BTC: variants seen among roughly 807,000 people sequenced by gnomAD.
The protein encoded by BTC is probetacellulin.
A neutral mutation model predicts 18.1 loss-of-function variants in BTC; 13 were observed. The observed-to-expected ratio is 0.72, with a 90% CI of 0.47 to 1.14. The LOEUF (loss-of-function observed/expected upper bound fraction) is 1.14, where lower values mean the gene tolerates loss of function less well. Among genes scored for constraint, BTC ranks in the 50% most tolerant of loss-of-function variants. The pLI, the probability that BTC is intolerant of heterozygous loss-of-function variation, is 0.00. For synonymous variants in BTC, 83 were observed against 79.4 expected (o/e 1.05, Z -0.24); for missense variants, 247 against 224.2 (o/e 1.10, Z -0.65).
At chr4:74,779,637 G>A (rs1725265988) in intron 1 of BTC, among the ~76,000 whole-genome samples, 1 of 152,114 alleles carries the variant, frequency 6.6e-6, no homozygotes, top group African/African-American at 2.4e-5. Flanking sequence ...TGCAAAGTGA[G>A]GTGAAACTGT....
At chr4:74,778,931 G>A (rs1237240241) in intron 1 of BTC, among the ~76,000 whole-genome samples, 1 of 152,086 alleles carries the variant, frequency 6.6e-6, no homozygotes, top group African/African-American at 2.4e-5. Context: ...CCAGGACAGA[G>A]GAATTTTCCA....
intron 1 of BTC, among the ~76,000 whole-genome samples, chr4:74,771,595 A>G (rs1271953566): frequency 6.6e-6 from 1 of 152,208 alleles, no homozygotes; most frequent in Non-Finnish European, 1.5e-5. Flanking sequence ...GAGTTTTCAA[A>G]AGGGTCTTTT....
At chr4:74,748,916 C>T (rs1167273197) in intron 4 of BTC, among the ~76,000 whole-genome samples, 2 of 152,192 alleles carry the variant, frequency 1.3e-5, no homozygotes, top group Non-Finnish European at 2.9e-5. Context: ...TAGGCCGTTT[C>T]CCAGCTTTGC....
intron 2 of BTC, among the ~76,000 whole-genome samples, chr4:74,766,392 G>A (rs1724904168): frequency 6.6e-6 from 1 of 151,908 alleles, no homozygotes; most frequent in Non-Finnish European, 1.5e-5. Context: ...ACACTGTACA[G>A]CTCTACAAAA....
chr4:74,757,866 T>C (rs374615112), intron 2 of BTC, among the ~76,000 whole-genome samples: 1 of 152,300 alleles, frequency 6.6e-6, no homozygotes, highest in South Asian at 2.1e-4. Context: ...ATCTGTAAGA[T>C]AGACATGATA....
chr4:74,746,420 A>G lies in BTC; in HGVS notation c.*257T>C, dbSNP rs1391421194. 6.6e-6 allele frequency: 1 copy of G among 152,598 alleles called. No individual in the cohort carries two copies. The highest frequency in any genetic ancestry group is 2.4e-5 in the African/African-American group (1 of 41,446). 9.5% of individuals were successfully genotyped at this position (152,598 alleles called of 1,614,324 possible). On this transcript the variant is annotated 3_prime_UTR_variant, in exon 6 of 6. Coordinates refer to ENST00000395743, the MANE Select transcript of BTC (RefSeq NM_001729.4). Reference sequence around the variant, plus strand: ...ACTAGTAATCCTGGTGACAATACTTAAGTGAAAGGTTATTGAAATTTCCCT... The same window carrying G: ...ACTAGTAATCCTGGTGACAATACTTGAGTGAAAGGTTATTGAAATTTCCCT...
intron 1 of BTC, among the ~76,000 whole-genome samples, chr4:74,790,292 T>C (rs761089559): frequency 6.6e-6 from 1 of 152,246 alleles, no homozygotes; most frequent in Non-Finnish European, 1.5e-5. Context: ...GCTTATTCTA[T>C]GTTTGGGGCA....
chr4:74,747,113 C>T (rs368027513), intron 5 of BTC, among the ~76,000 whole-genome samples: 3 of 152,218 alleles, frequency 2.0e-5, no homozygotes, highest in South Asian at 2.1e-4. Context: ...TGAGCCAATA[C>T]GTTGCCTTCA....
intron 1 of BTC, 50 bp from the exon 2 acceptor site, chr4:74,770,206 T>C (rs1346017098): frequency 7.0e-7 from 1 of 1,428,788 alleles, no homozygotes; most frequent in South Asian, 1.2e-5. Context: ...TTGCTTATTG[T>C]GAAACAGTCT....
At chr4:74,789,129 T>A (rs1377151208) in intron 1 of BTC, among the ~76,000 whole-genome samples, 1 of 152,210 alleles carries the variant, frequency 6.6e-6, no homozygotes, top group Admixed American at 6.5e-5. Flanking sequence ...GCACCTACTA[T>A]ACATAGGAAC....
intron 2 of BTC, among the ~76,000 whole-genome samples, chr4:74,764,811 A>G (rs1221467961): frequency 6.6e-6 from 1 of 152,128 alleles, no homozygotes; most frequent in African/African-American, 2.4e-5. Context: ...TCATGCTGCT[A>G]ATAAATATAT....
rs568957523 is a variant in BTC, at chr4:74,784,466, G to C, written c.64+9796C>G. On this transcript the variant is annotated intron_variant, in intron 1 of 5. Transcript: ENST00000395743. The stretch of plus-strand genomic sequence containing the variant: ...GCCAGAACATTCAATACTATGTTGA[G>C]TAGGAGTGGTGAGAGATGGCATCCT... 3.2e-4 allele frequency among the ~76,000 whole-genome samples: 49 copies of C among 152,186 alleles called. 1 individual carries two copies. In the South Asian group the frequency reaches 1.0e-2, roughly 31 times the overall value.
chr4:74,773,780 T>C (rs188777104), intron 1 of BTC, among the ~76,000 whole-genome samples: 109 of 152,160 alleles, frequency 7.2e-4, no homozygotes, highest in African/African-American at 2.4e-3. Context: ...CCTGGCTAAT[T>C]TTTGTATTTT....
At chr4:74,759,071 C>A (rs1724679869) in intron 2 of BTC, among the ~76,000 whole-genome samples, 1 of 151,950 alleles carries the variant, frequency 6.6e-6, no homozygotes, top group Non-Finnish European at 1.5e-5. Context: ...AATTTCAGTG[C>A]CTTATAATCC....
chr4:74,770,336 T>C (rs1291524385), intron 1 of BTC, among the ~76,000 whole-genome samples, 180 bp from the exon 2 acceptor site: 1 of 152,194 alleles, frequency 6.6e-6, no homozygotes, highest in African/African-American at 2.4e-5. Flanking sequence ...TTTCAGCTCA[T>C]TGCTAAAGAA....
intron 1 of BTC, among the ~76,000 whole-genome samples, chr4:74,783,977 A>C (rs1725407490): frequency 6.6e-6 from 1 of 151,926 alleles, no homozygotes; most frequent in Non-Finnish European, 1.5e-5. Flanking sequence ...TCACTCCTGT[A>C]ATCCCTGCAC....
intron 2 of BTC, among the ~76,000 whole-genome samples, chr4:74,763,260 AATGT>A (rs1381915685): frequency 6.6e-6 from 1 of 152,180 alleles, no homozygotes; most frequent in Non-Finnish European, 1.5e-5. Flanking sequence ...CCAAATCACT[AATGT>A]ATTTGTATTT....
chr4:74,778,300 A>G (rs1410413617), intron 1 of BTC, among the ~76,000 whole-genome samples: 1 of 152,162 alleles, frequency 6.6e-6, no homozygotes, highest in East Asian at 1.9e-4. Flanking sequence ...GAGAGAAATT[A>G]TTTAACTCAA....
rs185522786 is a variant in BTC, at chr4:74,752,279, C to T, written c.282-1560G>A. Among the ~76,000 whole-genome samples, 679 of 152,052 alleles carry T rather than the reference C, an allele frequency of 4.5e-3. 5 individuals carry two copies. The highest frequency in any genetic ancestry group is 0.016 in the African/African-American group (656 of 41,456). Reference sequence around the variant, plus strand: ...TGCTTCCTGCAAGATAGCTAAGTATCTTCATTCTGAGGTCAAAATTACAGG... The same window carrying T: ...TGCTTCCTGCAAGATAGCTAAGTATTTTCATTCTGAGGTCAAAATTACAGG... On this transcript the variant is annotated intron_variant, in intron 3 of 5. Transcript: ENST00000395743.
Sources: allele counts gnomAD v4.1 joint callset (sites outside exome capture counted in the v4.1 genomes callset), GRCh38; gene constraint gnomAD v4.1.1; transcripts MANE v1.5; gene names NCBI Gene and HGNC (gene_info 2026-07-23, HGNC 2026-07-21).